NELL1: variants seen among roughly 807,000 people sequenced by gnomAD.
NELL1 encodes neural EGFL like 1.
A neutral mutation model predicts 107.4 loss-of-function variants in NELL1; 76 were observed. The observed-to-expected ratio is 0.71, with a 90% confidence interval of 0.59 to 0.86. NELL1 has a LOEUF of 0.86. Among genes scored for constraint, NELL1 ranks in the 40% least tolerant of loss-of-function variants. NELL1 has a pLI of 0.00. For synonymous variants in NELL1, 353 were observed against 341.2 expected, an observed-to-expected ratio of 1.03 and a Z score of -0.38; for missense variants, 1,024 against 1,005.5, an observed-to-expected ratio of 1.02 and a Z score of -0.25.
chr11:20,726,920 A>G (rs533339917), intron 2 of NELL1, among the ~76,000 whole-genome samples: 122 of 152,342 alleles, frequency 8.0e-4, no homozygotes, highest in Non-Finnish European at 1.5e-3. Context: ...TGCAAAGGAC[A>G]TGAACTCATC....
intron 2 of NELL1, among the ~76,000 whole-genome samples, chr11:20,767,506 A>G (rs935856275): frequency 6.6e-6 from 1 of 152,166 alleles, no homozygotes; most frequent in African/African-American, 2.4e-5. Context: ...AGCTAGACAT[A>G]GAGCGCTGAT....
At chr11:21,053,854 G>A (rs574580174) in intron 12 of NELL1, among the ~76,000 whole-genome samples, 2 of 152,232 alleles carry the variant, frequency 1.3e-5, no homozygotes, top group Non-Finnish European at 2.9e-5. Context: ...TTTCTGGAGC[G>A]AATGTGTCTC....
chr11:20,748,333 C>T (rs1856049843), intron 2 of NELL1, among the ~76,000 whole-genome samples: 1 of 152,166 alleles, frequency 6.6e-6, no homozygotes, highest in African/African-American at 2.4e-5. Flanking sequence ...TTCCCTCATG[C>T]CTCTTGGGTA....
intron 2 of NELL1, among the ~76,000 whole-genome samples, chr11:20,745,031 C>T (rs1056618333): frequency 6.6e-6 from 1 of 152,166 alleles, no homozygotes; most frequent in Non-Finnish European, 1.5e-5. Flanking sequence ...TACCACATTA[C>T]CCTATTTTAT....
chr11:21,471,994 T>C (rs1854194816), intron 15 of NELL1, among the ~76,000 whole-genome samples: 1 of 152,052 alleles, frequency 6.6e-6, no homozygotes, highest in South Asian at 2.1e-4. Flanking sequence ...TATTTTAGCC[T>C]GTTTCTGAAG....
chr11:20,951,286 C>G (rs1851064265), intron 11 of NELL1, among the ~76,000 whole-genome samples: 2 of 152,138 alleles, frequency 1.3e-5, no homozygotes, highest in Non-Finnish European at 2.9e-5. Flanking sequence ...AGCTTGCTAG[C>G]TTGATTATGA....
intron 13 of NELL1, among the ~76,000 whole-genome samples, chr11:21,189,180 A>C (rs1263505792): frequency 2.0e-5 from 3 of 151,890 alleles, no homozygotes; most frequent in African/African-American, 7.3e-5. Context: ...AATCCATTGT[A>C]TGAATAGTTC....
intron 14 of NELL1, among the ~76,000 whole-genome samples, chr11:21,274,606 A>G (rs1235229344): frequency 6.6e-6 from 1 of 152,136 alleles, no homozygotes; most frequent in African/African-American, 2.4e-5. Flanking sequence ...ATTCGTCTCA[A>G]CACCACATTG....
intron 4 of NELL1, among the ~76,000 whole-genome samples, chr11:20,873,639 T>C (rs961387932): frequency 2.6e-5 from 4 of 152,184 alleles, no homozygotes; most frequent in African/African-American, 9.7e-5. Flanking sequence ...TCAGAGAGGT[T>C]TAGTAACTTG....
intron 5 of NELL1, among the ~76,000 whole-genome samples, chr11:20,901,791 C>T (rs1014662888): frequency 1.3e-5 from 2 of 152,080 alleles, no homozygotes; most frequent in Non-Finnish European, 2.9e-5. Flanking sequence ...ATGACCCTTT[C>T]GTCATGTGTG....
At chr11:21,030,673 T>C (rs1852934380) in intron 12 of NELL1, among the ~76,000 whole-genome samples, 1 of 151,118 alleles carries the variant, frequency 6.6e-6, no homozygotes, top group Non-Finnish European at 1.5e-5. Flanking sequence ...GAGGGAGATA[T>C]TCAAAGTTGG....
At chr11:20,755,550 G>GTTTTTTTTTT (rs1226891368) in intron 2 of NELL1, among the ~76,000 whole-genome samples, 9 of 114,536 alleles carry the variant, frequency 7.9e-5, no homozygotes, top group African/African-American at 4.0e-4. Flanking sequence ...GTTTTTTTTT[G>GTTTTTTTTTT]TTTTTGTTTT....
chr11:21,222,151 C>A (rs770434865), intron 13 of NELL1, among the ~76,000 whole-genome samples: 2 of 151,678 alleles, frequency 1.3e-5, no homozygotes, highest in African/African-American at 4.8e-5. Flanking sequence ...CTTTTTGTTT[C>A]TTTGATCTTT....
chr11:21,534,498 C>T lies in NELL1; in HGVS notation c.1770C>T (p.Ser590=), dbSNP rs139291775. The T allele has an allele frequency of 8.6e-5, 138 of 1,613,708 alleles. 1 individual carries two copies. In the African/African-American group the frequency reaches 1.0e-3, roughly 12 times the overall value. The part of the protein sequence containing the change: ...GFHDDGTYSL[S]GESCIDIDEC... ...ATGACGATGGGACCTATTCACTGTCCGGGGAGTCCTGTATTGGTAAGCAGC... is the reference window on the plus strand; with the variant it reads ...ATGACGATGGGACCTATTCACTGTCTGGGGAGTCCTGTATTGGTAAGCAGC... The change falls in exon 16 of 20, where the codon TCC becomes TCT. Residue 590 remains serine (S), a synonymous_variant. Transcript: ENST00000357134.
At chr11:21,328,674 C>T (rs1359971041) in intron 14 of NELL1, among the ~76,000 whole-genome samples, 1 of 152,084 alleles carries the variant, frequency 6.6e-6, no homozygotes, top group African/African-American at 2.4e-5. Flanking sequence ...TGAAAGCATC[C>T]AGGAGGGGAG....
chr11:20,989,138 G>A (rs757836184), intron 12 of NELL1, among the ~76,000 whole-genome samples: 1 of 152,274 alleles, frequency 6.6e-6, no homozygotes, highest in Non-Finnish European at 1.5e-5. Context: ...ACAAATCCAA[G>A]TCTTCGTGAT....
At chr11:21,131,449 C>A (rs1171263468) in intron 13 of NELL1, among the ~76,000 whole-genome samples, 1 of 152,094 alleles carries the variant, frequency 6.6e-6, no homozygotes, top group African/African-American at 2.4e-5. Flanking sequence ...TAGCCTCAGG[C>A]AAGTCATTTT....
At chr11:20,694,630 G>T (rs1251581174) in intron 2 of NELL1, among the ~76,000 whole-genome samples, 2 of 152,004 alleles carry the variant, frequency 1.3e-5, no homozygotes. Flanking sequence ...CTATGTGCTT[G>T]TTTTTGTACT....
intron 17 of NELL1, among the ~76,000 whole-genome samples, chr11:21,564,500 A>G (rs1354265955): frequency 6.6e-6 from 1 of 151,980 alleles, no homozygotes; most frequent in Non-Finnish European, 1.5e-5. Flanking sequence ...GTATACTACT[A>G]CATCTATACC....
Sources: allele counts gnomAD v4.1 joint callset (sites outside exome capture counted in the v4.1 genomes callset), GRCh38; gene constraint gnomAD v4.1.1; transcripts MANE v1.5; gene names NCBI Gene and HGNC (gene_info 2026-07-23, HGNC 2026-07-21).